Variants in SDHA observed in about 807,000 individuals in gnomAD.
SDHA encodes succinate dehydrogenase [ubiquinone] flavoprotein subunit, mitochondrial.
A neutral mutation model predicts 78.4 loss-of-function variants in SDHA; 48 were observed. The observed-to-expected ratio is 0.61, with a 90% confidence interval of 0.49 to 0.78. The LOEUF (loss-of-function observed/expected upper bound fraction) is 0.78. Among genes scored for constraint, SDHA ranks in the 30% least tolerant of loss-of-function variants. SDHA has a pLI of 0.00. For missense variants in SDHA, 680 were observed against 892.7 expected, an observed-to-expected ratio of 0.76 and a Z score of 3.04; for synonymous variants, 326 against 353.9, an observed-to-expected ratio of 0.92 and a Z score of 0.88.
intron 7 of SDHA, among the ~76,000 whole-genome samples, chr5:232,187 TAAG>T (rs1735448415): frequency 6.6e-6 from 1 of 152,100 alleles, no homozygotes; most frequent in Non-Finnish European, 1.5e-5. Context: ...GGGATGAAAA[TAAG>T]AAATGAATTT....
chr5:224,536 C>A lies in SDHA; in HGVS notation c.312+15C>A, dbSNP rs1180146041. The stretch of plus-strand genomic sequence containing the variant: ...TTGCAGCACAGGTAAGAGAAAGGTG[C>A]CCCACTGTGCTCCCACTCCGTGCAG... On this transcript the variant is annotated intron_variant, in intron 3 of 14. Coordinates refer to ENST00000264932, the MANE Select transcript of SDHA (RefSeq NM_004168.4). The A allele has an allele frequency of 1.9e-6, 3 of 1,611,134 alleles. No individual in the cohort carries two copies. The highest frequency in any genetic ancestry group is 4.5e-5 in the East Asian group (2 of 44,882).
intron 11 of SDHA, chr5:249,663 T>C (rs1364213037): frequency 2.0e-5 from 3 of 152,358 alleles, no homozygotes; most frequent in Non-Finnish European, 4.4e-5. Context: ...GGTAAATCTC[T>C]GTTCAAGGCT....
chr5:221,414 G>A (rs1426140887), intron 1 of SDHA, among the ~76,000 whole-genome samples: 1 of 152,100 alleles, frequency 6.6e-6, no homozygotes, highest in African/African-American at 2.4e-5. Context: ...TAGGTTCTTC[G>A]TTGGCTGCTT....
chr5:235,104 G>A, intron 8 of SDHA, 40 bp from the exon 9 acceptor site: 1 of 1,593,052 alleles, frequency 6.3e-7, no homozygotes, highest in Non-Finnish European at 8.6e-7. Flanking sequence ...TCCTGCCGTT[G>A]CCGTTCTCTG....
chr5:241,923 A>T, intron 11 of SDHA, among the ~76,000 whole-genome samples: 1 of 152,232 alleles, frequency 6.6e-6, no homozygotes, highest in Admixed American at 6.5e-5. Context: ...GCTGGGAAAG[A>T]AAGAACCATT....
intron 10 of SDHA, among the ~76,000 whole-genome samples, chr5:239,096 C>A (rs10050994): frequency 0.033 from 4,486 of 135,224 alleles, 160 homozygotes; most frequent in African/African-American, 0.052. Flanking sequence ...TTTGAGCAGA[C>A]CCTCAAGAGA....
downstream of SDHA, among the ~76,000 whole-genome samples, chr5:259,921 AG>A (rs1180347975): frequency 1.2e-3 from 37 of 30,300 alleles, 1 homozygote; most frequent in Non-Finnish European, 1.7e-3. Flanking sequence ...GCCTCCCGTC[AG>A]AGCATTACCG....
chr5:266,310 G>A, the SDHA span, among the ~76,000 whole-genome samples: 1 of 152,232 alleles, frequency 6.6e-6, no homozygotes, highest in African/African-American at 2.4e-5. Flanking sequence ...TTAAAAACTA[G>A]CACAGGCACC....
intron 9 of SDHA, chr5:235,849 C>T (rs1452024892): frequency 7.8e-6 from 2 of 256,664 alleles, no homozygotes; most frequent in South Asian, 9.0e-5. Flanking sequence ...GTGAGGGCCC[C>T]GGGAACATGG....
Position 251,686 on chromosome 5 carries a change from A to G in SDHA, c.1794+218A>G, listed in dbSNP as rs1238083230. 4.0e-6 allele frequency: 6 copies of G among 1,493,384 alleles called. No individual in the cohort carries two copies. In the Admixed American group the frequency reaches 1.0e-4, roughly 25 times the overall value. 92.5% of individuals were successfully genotyped at this position (1,493,384 alleles called of 1,614,324 possible). ...CTTTGGGTCGGCATCCACTGATGCC[A>G]GCAGTGGCATCTCCAAGCCAATGTG... On this transcript the variant is annotated intron_variant, in intron 13 of 14. Coordinates refer to ENST00000264932, the MANE Select transcript of SDHA (RefSeq NM_004168.4).
chr5:232,988 G>A (rs1255126943), intron 7 of SDHA, among the ~76,000 whole-genome samples: 1 of 152,164 alleles, frequency 6.6e-6, no homozygotes, highest in Non-Finnish European at 1.5e-5. Context: ...AGACTTAAAC[G>A]AGTTAATATG....
At chr5:244,373 CA>C (rs1488210471) in intron 11 of SDHA, among the ~76,000 whole-genome samples, 1 of 151,930 alleles carries the variant, frequency 6.6e-6, no homozygotes, top group African/African-American at 2.4e-5. Flanking sequence ...ATTCAGATTA[CA>C]ATGAGGAAAT....
At chr5:218,779 T>C (rs1560981379) in intron 1 of SDHA, among the ~76,000 whole-genome samples, 1 of 152,190 alleles carries the variant, frequency 6.6e-6, no homozygotes, top group African/African-American at 2.4e-5. Flanking sequence ...GAGTCGTGTC[T>C]GCCCAAGGTC....
chr5:258,539 CCTT>C (rs1238946194), downstream of SDHA, among the ~76,000 whole-genome samples: 11 of 96,140 alleles, frequency 1.1e-4, no homozygotes, highest in Admixed American at 2.1e-4. Context: ...ACTGTGAGCT[CCTT>C]CTCCTCTCAG....
At chr5:233,401 T>A in intron 7 of SDHA, 76 bp from the exon 8 acceptor site, 1 of 1,518,814 alleles carries the variant, frequency 6.6e-7, no homozygotes, top group South Asian at 1.1e-5. Flanking sequence ...CCCCAAAAAA[T>A]GTCTTGAAAA....
rs542498216 is a variant in SDHA at position 229,341 on chromosome 5, C to T, written c.770+1008C>T. Among the ~76,000 whole-genome samples, 46 of 152,246 alleles carry T rather than the reference C, an allele frequency of 3.0e-4. No homozygotes were observed. In the East Asian group the frequency reaches 4.2e-3, roughly 14 times the overall value. On this transcript the variant is annotated intron_variant, in intron 6 of 14. Transcript: ENST00000264932. ...TCATTGCAGCATTATTCACAATACCCGAGATATGGAAACAACCTAAATATG... is the reference window on the plus strand; with the variant it reads ...TCATTGCAGCATTATTCACAATACCTGAGATATGGAAACAACCTAAATATG...
At chr5:263,032 G>C in the SDHA span, among the ~76,000 whole-genome samples, 1,296 of 151,640 alleles carry the variant, frequency 8.5e-3, 22 homozygotes, top group African/African-American at 0.028. Context: ...CTCCACCTCC[G>C]GGGCTCCAGC....
In SDHA at chr5:252,738, A is replaced by G. The variant is rs529935032; in HGVS notation, c.1794+1270A>G. Among the ~76,000 whole-genome samples the G allele has an allele frequency of 7.6e-3, 1,044 of 138,194 alleles. 18 individuals are homozygous for G. The highest frequency in any genetic ancestry group is 0.03 in the African/African-American group (1,021 of 34,064). 90.7% of individuals were successfully genotyped at this position (138,194 alleles called of 152,430 possible). A position where few individuals can be genotyped will look rare whatever the true frequency, so the allele number is the denominator to read the frequency against. ...GGAGGAAATGCCAGTTTATTAAATA[A>G]CGAGTAAGTCACCGTTTCATACCTG... is the stretch of plus-strand genomic sequence containing the variant. On this transcript the variant is annotated intron_variant, in intron 13 of 14. Transcript: ENST00000264932.
the SDHA span, among the ~76,000 whole-genome samples, chr5:266,189 G>T: frequency 3.1e-4 from 47 of 152,240 alleles, no homozygotes; most frequent in Non-Finnish European, 5.7e-4. Context: ...GTAACAGGTG[G>T]CAACCTCAGG....
Sources: allele counts gnomAD v4.1 joint callset (sites outside exome capture counted in the v4.1 genomes callset), GRCh38; gene constraint gnomAD v4.1.1; transcripts MANE v1.5; gene names NCBI Gene and HGNC (gene_info 2026-07-23, HGNC 2026-07-21).